The following P3H2 variants were observed in gnomAD, a reference collection of about 807,000 sequenced individuals.
P3H2 encodes leprecan-like 1.
P3H2 carries 80 observed loss-of-function variants against 87.0 expected under a neutral mutation model. The ratio of observed to expected loss-of-function variants is 0.92; its 90% CI spans 0.77 to 1.11. The LOEUF (loss-of-function observed/expected upper bound fraction) is 1.11, where lower values mean the gene tolerates loss of function less well. Ranked by LOEUF, P3H2 falls within the 50% of genes least tolerant of loss-of-function variation. The pLI is 0.00. For missense variants in P3H2, 1,001 were observed against 923.9 expected (o/e 1.08, Z -1.08); for synonymous variants, 367 against 359.3 (o/e 1.02, Z -0.24).
chr3:189,982,495 C>T (rs1028081279), intron 8 of P3H2, among the ~76,000 whole-genome samples: 1 of 152,088 alleles, frequency 6.6e-6, no homozygotes, highest in Non-Finnish European at 1.5e-5. Context: ...CATAATGTTC[C>T]GCTCGCTTCG....
intron 1 of P3H2, among the ~76,000 whole-genome samples, chr3:190,072,260 T>C (rs910080291): frequency 7.2e-5 from 11 of 152,030 alleles, no homozygotes; most frequent in African/African-American, 2.7e-4. Context: ...CTCCTGACCT[T>C]AGGTGATCTG....
chr3:189,995,893 C>G (rs1297375572), intron 1 of P3H2, among the ~76,000 whole-genome samples: 1 of 151,924 alleles, frequency 6.6e-6, no homozygotes, highest in Non-Finnish European at 1.5e-5. Context: ...AAATGCAAGT[C>G]AAAATCACAA....
chr3:190,074,666 G>C (rs914609161), intron 1 of P3H2, among the ~76,000 whole-genome samples: 4 of 151,958 alleles, frequency 2.6e-5, no homozygotes, highest in Non-Finnish European at 5.9e-5. Context: ...ATAACCAGAG[G>C]GGAAAAACTA....
At chr3:190,067,355 C>G (rs1338195317) in intron 1 of P3H2, among the ~76,000 whole-genome samples, 3 of 152,148 alleles carry the variant, frequency 2.0e-5, no homozygotes, top group Admixed American at 6.6e-5. Context: ...TACCCAGGAA[C>G]TTGAGCTCCA....
At chr3:189,982,285 T>C (rs1577253176) in intron 8 of P3H2, among the ~76,000 whole-genome samples, 1 of 151,940 alleles carries the variant, frequency 6.6e-6, no homozygotes, top group African/African-American at 2.4e-5. Flanking sequence ...TAAAATAGTA[T>C]GCAAATAAAT....
intron 1 of P3H2, among the ~76,000 whole-genome samples, chr3:190,040,825 G>A (rs570829157): frequency 1.8e-4 from 28 of 151,498 alleles, no homozygotes; most frequent in African/African-American, 6.5e-4. Flanking sequence ...TGATGTATCA[G>A]CTACTACAAA....
intron 1 of P3H2, among the ~76,000 whole-genome samples, chr3:190,027,040 C>T (rs1345077870): frequency 6.6e-6 from 1 of 152,178 alleles, no homozygotes; most frequent in Non-Finnish European, 1.5e-5. Context: ...GAAACATTTA[C>T]TCATTTAATA....
At position 190,088,974 on chromosome 3, in the gene P3H2, G is replaced by A. The variant is rs556769844; in HGVS notation, c.480+31278C>T. Among the ~76,000 whole-genome samples the A allele has an allele frequency of 6.6e-5, 10 of 152,258 alleles. No individual in the cohort carries two copies. In the South Asian group the frequency reaches 2.1e-3, roughly 32 times the overall value. ...GTACTTAAAGTGTGTGAAAACCAGA[G>A]GGAACAAGAAATAGACCCAGTTTTG... On this transcript the variant is annotated intron_variant, in intron 1 of 14. Coordinates refer to ENST00000319332, the MANE Select transcript of P3H2 (RefSeq NM_018192.4).
chr3:190,120,562 C>G lies in P3H2; in HGVS notation c.170G>C (p.Ser57Thr), dbSNP rs751640063. The G allele has an allele frequency of 2.6e-6, 4 of 1,537,090 alleles. No individual in the cohort carries two copies. Among genetic ancestry groups the G allele is most frequent in the Non-Finnish European group, 3.5e-6 (4 of 1,151,766 alleles). Reference protein sequence around the residue: ...LYASGAAAYYSGDYERAVRDL... With the variant: ...LYASGAAAYYTGDYERAVRDL... Reference sequence around the variant, plus strand: ...GCGCACCGCTCGCTCGTAGTCTCCGCTGTAGTAGGCGGCCGCGCCGCTGGC... The same window carrying G: ...GCGCACCGCTCGCTCGTAGTCTCCGGTGTAGTAGGCGGCCGCGCCGCTGGC... The change falls in exon 1 of 15, where the codon AGC becomes ACC. Residue 57 changes from serine to threonine, a missense_variant. Transcript: ENST00000319332.
At chr3:190,034,473 A>T (rs1477977256) in intron 1 of P3H2, among the ~76,000 whole-genome samples, 1 of 152,272 alleles carries the variant, frequency 6.6e-6, no homozygotes, top group Non-Finnish European at 1.5e-5. Context: ...TAGGAAAATA[A>T]TAACATACTC....
chr3:190,017,814 A>C (rs1361706824), intron 1 of P3H2, among the ~76,000 whole-genome samples: 2 of 152,214 alleles, frequency 1.3e-5, no homozygotes, highest in Non-Finnish European at 2.9e-5. Context: ...CTTTTTGATT[A>C]AAGCCAAATT....
Position 190,087,012 on chromosome 3 carries a change from T to C in P3H2, c.480+33240A>G, listed in dbSNP as rs142724987. ...ACTTATTTACACATAAGAGCAGTAG[T>C]AATTAAGTCTACAATCCCTTTATGA... On this transcript the variant is annotated intron_variant, in intron 1 of 14. Coordinates refer to ENST00000319332, the MANE Select transcript of P3H2 (RefSeq NM_018192.4). Among the ~76,000 whole-genome samples the C allele has an allele frequency of 2.4e-3, 373 of 152,328 alleles. 1 individual carries two copies. The highest frequency in any genetic ancestry group is 8.4e-3 in the African/African-American group (349 of 41,572).
chr3:189,980,083 G>A (rs1331467555), intron 8 of P3H2, among the ~76,000 whole-genome samples: 1 of 152,198 alleles, frequency 6.6e-6, no homozygotes, highest in South Asian at 2.1e-4. Flanking sequence ...AGCCACTGTG[G>A]GATGTAAGTA....
intron 1 of P3H2, among the ~76,000 whole-genome samples, chr3:189,998,806 A>T (rs1315583158): frequency 6.6e-6 from 1 of 152,184 alleles, no homozygotes; most frequent in African/African-American, 2.4e-5. Context: ...TTCATGGAAG[A>T]CAATTTTTCC....
chr3:190,088,703 T>A (rs1033530886), intron 1 of P3H2, among the ~76,000 whole-genome samples: 6 of 152,162 alleles, frequency 3.9e-5, no homozygotes, highest in Admixed American at 2.0e-4. Context: ...ATGTCAAAGA[T>A]TGAAAAGAAT....
At chr3:189,968,604 A>G (rs562217101) in intron 13 of P3H2, among the ~76,000 whole-genome samples, 1 of 152,340 alleles carries the variant, frequency 6.6e-6, no homozygotes, top group African/African-American at 2.4e-5. Flanking sequence ...CTTTGGGTAT[A>G]TACCTAGTAA....
chr3:190,084,972 A>C (rs925334848), intron 1 of P3H2, among the ~76,000 whole-genome samples: 8 of 151,986 alleles, frequency 5.3e-5, no homozygotes, highest in Non-Finnish European at 1.2e-4. Context: ...AGAAAGAAAG[A>C]AAACTAACTA....
intron 1 of P3H2, among the ~76,000 whole-genome samples, chr3:190,031,508 G>A (rs1314129079): frequency 6.6e-6 from 1 of 151,892 alleles, no homozygotes; most frequent in African/African-American, 2.4e-5. Flanking sequence ...ATGGTGGCAG[G>A]CACCTGGAAT....
intron 1 of P3H2, among the ~76,000 whole-genome samples, chr3:189,996,057 T>C (rs1724043662): frequency 6.6e-6 from 1 of 152,186 alleles, no homozygotes; most frequent in African/African-American, 2.4e-5. Flanking sequence ...TGGAGTTTCC[T>C]TAAAAAATTA....
Sources: allele counts gnomAD v4.1 joint callset (sites outside exome capture counted in the v4.1 genomes callset), GRCh38; gene constraint gnomAD v4.1.1; transcripts MANE v1.5; gene names NCBI Gene and HGNC (gene_info 2026-07-23, HGNC 2026-07-21).